The following ZNF709 variants were observed in gnomAD, a reference collection of about 807,000 sequenced individuals.
ZNF709 encodes the protein zinc finger protein 709.
A neutral mutation model predicts 10.6 loss-of-function variants in ZNF709; 15 were observed. The observed-to-expected ratio is 1.41, with a 90% CI of 0.95 to 2.18. The LOEUF (loss-of-function observed/expected upper bound fraction) is 2.18. Among genes scored for constraint, ZNF709 ranks in the 30% most tolerant of loss-of-function variants. ZNF709 has a pLI of 0.00. For missense variants in ZNF709, 589 were observed against 774.0 expected, an observed-to-expected ratio of 0.76 and a Z score of 2.84; for synonymous variants, 194 against 238.8, an observed-to-expected ratio of 0.81 and a Z score of 1.73.
rs1019209991 is a variant in ZNF709, at chr19:12,472,900, G to C, written c.4-6050C>G. Among the ~76,000 whole-genome samples the C allele has an allele frequency of 3.3e-5, 5 of 151,680 alleles. No homozygotes were observed. The South Asian group carries it at 1.0e-3, about 32-fold the overall frequency. ...TCTGTCTCAAAAAAAAAAAGGAAAA[G>C]GTACATCTCGCTCCTTCCTTGATAC... On this transcript the variant is annotated intron_variant, in intron 1 of 3. Coordinates refer to ENST00000397732, the MANE Select transcript of ZNF709 (RefSeq NM_152601.4).
intron 1 of ZNF709, among the ~76,000 whole-genome samples, chr19:12,475,199 A>C (rs868759343): frequency 1.4e-5 from 2 of 143,120 alleles, no homozygotes; most frequent in South Asian, 4.5e-4. Flanking sequence ...CGGAGGTTGC[A>C]GTGAGCCAAG....
chr19:12,465,440 G>C lies in ZNF709; in HGVS notation c.482C>G (p.Thr161Ser), dbSNP rs562857083. Reference protein sequence around the residue: ...FRSSFRIHERTHTGEKPYKCK... With the variant: ...FRSSFRIHERSHTGEKPYKCK... ...TTTATAGGGTTTCTCTCCAGTGTGA[G>C]TTCTTTCATGTATTCGAAATGAACT... Residue 161 changes from threonine to serine, a missense_variant, in exon 4 of 4, where the codon ACT becomes AGT. This residue lies in a region of ZNF709 where 418 missense variants were observed against 496.3 expected (regional missense o/e 0.84). Coordinates refer to ENST00000397732, the MANE Select transcript of ZNF709 (RefSeq NM_152601.4). The C allele has an allele frequency of 2.5e-6, 4 of 1,612,474 alleles. No individual in the cohort carries two copies. In the South Asian group the frequency reaches 4.4e-5, roughly 18 times the overall value.
intron 1 of ZNF709, among the ~76,000 whole-genome samples, chr19:12,483,435 T>G (rs1970748341): frequency 6.6e-6 from 1 of 152,002 alleles, no homozygotes; most frequent in Non-Finnish European, 1.5e-5. Flanking sequence ...ATTACAGGCG[T>G]GAGCCAACGC....
chr19:12,471,896 G>A (rs1317139868), intron 1 of ZNF709, among the ~76,000 whole-genome samples: 1 of 152,208 alleles, frequency 6.6e-6, no homozygotes, highest in Non-Finnish European at 1.5e-5. Context: ...ATTTTCTCAT[G>A]TAAGAGTAAG....
intron 3 of ZNF709, 22 bp downstream of exon 3, chr19:12,466,440 T>G (rs1258419319): frequency 6.2e-7 from 1 of 1,609,392 alleles, no homozygotes; most frequent in Non-Finnish European, 8.5e-7. Context: ...AGACAGTATT[T>G]TCTTTTGTAA....
intron 1 of ZNF709, among the ~76,000 whole-genome samples, chr19:12,474,342 T>C (rs1260698750): frequency 6.6e-6 from 1 of 152,238 alleles, no homozygotes; most frequent in Non-Finnish European, 1.5e-5. Context: ...CCTACGTCCA[T>C]CAATGGTGTT....
At position 12,464,238 on chromosome 19, in the gene ZNF709, A is replaced by G. The variant is rs1970543761; in HGVS notation, c.1684T>C (p.Cys562Arg). 6.3e-7 allele frequency: 1 copy of G among 1,594,256 alleles called. No homozygotes were observed. Residue 562 changes from cysteine to arginine, a missense_variant, in exon 4 of 4, where the codon TGT becomes CGT. By Grantham distance (180) the Cys-to-Arg change is radical. This residue lies in a region of ZNF709 where 171 missense variants were observed against 277.7 expected (regional missense o/e 0.62). Coordinates refer to ENST00000397732, the MANE Select transcript of ZNF709 (RefSeq NM_152601.4). Reference sequence around the variant, plus strand: ...CTGAAGGCCTTACCACATTGTTTACACTCATAAGGTTTCTCTCCAGTGTGA... The same window carrying G: ...CTGAAGGCCTTACCACATTGTTTACGCTCATAAGGTTTCTCTCCAGTGTGA... ...RTHTGEKPYE[C>R]KQCGKAFSCS...
rs781448024 is a variant in ZNF709, at chr19:12,464,748, A to T, written c.1174T>A (p.Tyr392Asn). The T allele has an allele frequency of 1.9e-6, 3 of 1,613,220 alleles. No homozygotes were observed. The African/African-American group carries it at 4.0e-5, about 22-fold the overall frequency. Residue 392 changes from tyrosine (Y) to asparagine (N), a missense_variant, in exon 4 of 4, where the codon TAT becomes AAT. Coordinates refer to ENST00000397732, the MANE Select transcript of ZNF709 (RefSeq NM_152601.4). ...GCTTTACCACACTGTTTACATTCAT[A>T]GGGTTTCTCTCCAGTGTGAGTTCGT... is the stretch of plus-strand genomic sequence containing the variant. ...HERTHTGEKP[Y>N]ECKQCGKAFS...
At chr19:12,475,894 A>G (rs1970673743) in intron 1 of ZNF709, among the ~76,000 whole-genome samples, 1 of 152,242 alleles carries the variant, frequency 6.6e-6, no homozygotes, top group African/African-American at 2.4e-5. Context: ...TTACAGACTC[A>G]CATTAGTATA....
intron 1 of ZNF709, among the ~76,000 whole-genome samples, chr19:12,467,269 C>T (rs547977940): frequency 6.6e-6 from 1 of 152,340 alleles, no homozygotes; most frequent in African/African-American, 2.4e-5. Flanking sequence ...TGCCGAGTGC[C>T]TGCGATTGCA....
Position 12,465,112 on chromosome 19 carries a change from A to G in ZNF709, c.810T>C (p.His270=). 1 of 1,612,322 alleles carries G rather than the reference A, an allele frequency of 6.2e-7. No individual in the cohort carries two copies. Among genetic ancestry groups the G allele is most frequent in the Non-Finnish European group, 8.5e-7 (1 of 1,179,436 alleles). ...AFRYYQTFQI[H]ERTHTGEKPY... is the part of the protein sequence containing the mutation. ...GTTTTTCCCCAGTGTGAGTCCTTTC[A>G]TGTATTTGAAAAGTTTGGTAATATC... Residue 270 remains histidine, a synonymous_variant, in exon 4 of 4, where the codon CAT becomes CAC. Transcript: ENST00000397732.
In ZNF709 at chr19:12,464,910, A is replaced by C; in HGVS notation, c.1012T>G (p.Cys338Gly). 1 of 1,613,238 alleles carries C rather than the reference A, an allele frequency of 6.2e-7. No individual in the cohort carries two copies. Among genetic ancestry groups the C allele is most frequent in the Non-Finnish European group, 8.5e-7 (1 of 1,179,692 alleles). Reference sequence around the variant, plus strand: ...ATGAATGCTTTCCCACATTCCTTACAATCATAGGGTTTCTCTCCTGTATGA... The same window carrying C: ...ATGAATGCTTTCCCACATTCCTTACCATCATAGGGTTTCTCTCCTGTATGA... ...RIHTGEKPYDCKECGKAFISL... is the reference protein window; with the variant it reads ...RIHTGEKPYDGKECGKAFISL... Residue 338 changes from cysteine to glycine, a missense_variant, in exon 4 of 4, where the codon TGT becomes GGT. This residue lies in a region of ZNF709 where 418 missense variants were observed against 496.3 expected (regional missense o/e 0.84). Coordinates refer to ENST00000397732, the MANE Select transcript of ZNF709 (RefSeq NM_152601.4).
In ZNF709 at chr19:12,465,542, T is replaced by A; in HGVS notation, c.380A>T (p.His127Leu). ...ATATTTGTGATATTCATATGATCTA[T>A]GTTCAGTATGAGATCTCATGTGCCT... ...LNRHMRSHTEHRSYEYHKYGE... is the reference protein window; with the variant it reads ...LNRHMRSHTELRSYEYHKYGE... Residue 127 changes from histidine (H) to leucine (L), a missense_variant, in exon 4 of 4, where the codon CAT (histidine) becomes CTT (leucine). His to Leu is a moderately conservative substitution (Grantham distance 99). Around this residue, in one of 2 missense-constraint regions of ZNF709, gnomAD observed 418 missense variants for 496.3 expected, o/e 0.84. Coordinates refer to ENST00000397732, the MANE Select transcript of ZNF709 (RefSeq NM_152601.4). The A allele has an allele frequency of 6.2e-7, 1 of 1,613,650 alleles. No homozygotes were observed. The highest frequency in any genetic ancestry group is 8.5e-7 in the Non-Finnish European group (1 of 1,179,900).
chr19:12,474,816 G>T (rs1219849287), intron 1 of ZNF709, among the ~76,000 whole-genome samples: 3 of 152,132 alleles, frequency 2.0e-5, no homozygotes, highest in Non-Finnish European at 1.5e-5. Flanking sequence ...CATGGGTAAA[G>T]GCAAAAGTAT....
chr19:12,484,719 A>T lies in ZNF709; in HGVS notation c.-62T>A, dbSNP rs1321671999. On this transcript the variant is annotated 5_prime_UTR_variant, in exon 1 of 4. Coordinates refer to ENST00000397732, the MANE Select transcript of ZNF709 (RefSeq NM_152601.4). ...CTCTCCCGCGGCCAGCACAGGTCCT[A>T]CCTCCACCTGAGGCCCTTCCTCCAC... The T allele has an allele frequency of 3.1e-6, 5 of 1,612,182 alleles. No homozygotes were observed. In the African/African-American group the frequency reaches 5.3e-5, roughly 17 times the overall value.
chr19:12,466,669 A>G, intron 2 of ZNF709, 55 bp downstream of exon 2: 2 of 1,613,124 alleles, frequency 1.2e-6, no homozygotes, highest in Non-Finnish European at 1.7e-6. Flanking sequence ...CTTGCTGATG[A>G]GCAAGAAACA....
At chr19:12,474,345 A>G (rs901815912) in intron 1 of ZNF709, among the ~76,000 whole-genome samples, 3 of 152,190 alleles carry the variant, frequency 2.0e-5, no homozygotes, top group African/African-American at 7.2e-5. Flanking sequence ...ACGTCCATCA[A>G]TGGTGTTGTC....
In ZNF709 at chr19:12,462,772, A is replaced by C. The variant is rs529843877; in HGVS notation, c.*1224T>G. The C allele has an allele frequency of 6.6e-6, 1 of 152,148 alleles. No homozygotes were observed. Among genetic ancestry groups the C allele is most frequent in the Non-Finnish European group, 1.5e-5 (1 of 68,024 alleles). 9.4% of individuals were successfully genotyped at this position (152,148 alleles called of 1,614,324 possible). Reference sequence around the variant, plus strand: ...ATGGCCCATTACAGCACAACTAAAAAATACATAAAAATCAAAACTGCTAGC... The same window carrying C: ...ATGGCCCATTACAGCACAACTAAAACATACATAAAAATCAAAACTGCTAGC... On this transcript the variant is annotated 3_prime_UTR_variant, in exon 4 of 4. Transcript: ENST00000397732.
Position 12,484,674 on chromosome 19 carries a change from T to A in ZNF709, c.-17A>T. ...ACTTACCATTTCCCAGACTCTGGGA[T>A]GTCCTGGTGTTCTGTTTACCTCTCC... On this transcript the variant is annotated 5_prime_UTR_variant, in exon 1 of 4. Coordinates refer to ENST00000397732, the MANE Select transcript of ZNF709 (RefSeq NM_152601.4). The A allele has an allele frequency of 1.5e-5, 25 of 1,613,984 alleles. No individual in the cohort carries two copies. Among genetic ancestry groups the A allele is most frequent in the Non-Finnish European group, 2.1e-5 (25 of 1,179,932 alleles).
Sources: allele counts gnomAD v4.1 joint callset (sites outside exome capture counted in the v4.1 genomes callset), GRCh38; gene constraint gnomAD v4.1.1; regional missense constraint gnomAD v4.1.1; transcripts MANE v1.5; gene names NCBI Gene and HGNC (gene_info 2026-07-23, HGNC 2026-07-21).